IL17REL: variants seen among roughly 807,000 people sequenced by gnomAD.
IL17REL encodes the protein interleukin 17 receptor E like.
In IL17REL, 36 loss-of-function variants were observed where a neutral mutation model predicts 49.0. That is an observed-to-expected ratio of 0.73 (90% confidence interval 0.56 to 0.97). The LOEUF (loss-of-function observed/expected upper bound fraction) is 0.97. Ranked by LOEUF, IL17REL falls within the 50% of genes least tolerant of loss-of-function variation. IL17REL has a pLI of 0.00. For synonymous variants in IL17REL, 206 were observed against 192.4 expected, an observed-to-expected ratio of 1.07 and a Z score of -0.58; for missense variants, 470 against 453.9, an observed-to-expected ratio of 1.04 and a Z score of -0.32.
chr22:50,004,923 G>T (rs1195517529), intron 1 of IL17REL, among the ~76,000 whole-genome samples: 1 of 83,520 alleles, frequency 1.2e-5, no homozygotes, highest in Non-Finnish European at 2.4e-5. Flanking sequence ...CTAGAAAAAA[G>T]ACAAAGACTT....
In IL17REL at chr22:50,004,051, T is replaced by C. The variant is rs140510207; in HGVS notation, c.-41-2820A>G. ...AAGATCAATATACAAAAATCCACTA[T>C]TTCTTTTTTGTTTGTTTTAGTTTTT... On this transcript the variant is annotated intron_variant, in intron 1 of 12. Coordinates refer to ENST00000341280, the Ensembl canonical transcript of IL17REL. Among the ~76,000 whole-genome samples, 230 of 152,296 alleles carry C rather than the reference T, an allele frequency of 1.5e-3. 1 individual carries two copies. The highest frequency in any genetic ancestry group is 3.4e-3 in the Middle Eastern group (1 of 294).
chr22:49,997,293 G>C (rs940923797), intron 11 of IL17REL, 27 bp downstream of exon 13: 1 of 1,605,254 alleles, frequency 6.2e-7, no homozygotes, highest in Non-Finnish European at 8.5e-7. Context: ...CACCTCCCCA[G>C]GATGGAGCCC....
chr22:49,997,958 C>T (rs1475599089), intron 9 of IL17REL, 67 bp downstream of exon 11: 4 of 1,569,186 alleles, frequency 2.5e-6, no homozygotes, highest in South Asian at 2.3e-5. Context: ...CCCTGCCCCA[C>T]TCCCCGCCCT....
chr22:50,001,989 C>G (rs926069125), intron 1 of IL17REL, among the ~76,000 whole-genome samples: 2 of 152,240 alleles, frequency 1.3e-5, no homozygotes, highest in African/African-American at 4.8e-5. Context: ...ACACAGCACC[C>G]TGCTGAGGCA....
intron 9 of IL17REL, 75 bp from the exon 12 acceptor site, chr22:49,997,817 GA>G: frequency 2.0e-6 from 3 of 1,503,494 alleles, no homozygotes; most frequent in Non-Finnish European, 2.8e-6. Flanking sequence ...CAGGGACAGG[GA>G]CAGGCTGGGT....
At chr22:50,000,967 G>T (rs1601888443) in intron 2 of IL17REL, 104 bp from the exon 4 acceptor site, 2 of 1,257,906 alleles carry the variant, frequency 1.6e-6, no homozygotes, top group Admixed American at 2.3e-5. Context: ...TGTGAAGTGC[G>T]GTTAGCAGCC....
At chr22:49,998,069 C>G in exon 9 of IL17REL, 1 of 1,594,242 alleles carries the variant, frequency 6.3e-7, no homozygotes, top group South Asian at 1.1e-5. Context: ...GGGTACTGCA[C>G]CTGAGGAGGG....
chr22:50,004,851 C>CAA (rs137852), intron 1 of IL17REL, among the ~76,000 whole-genome samples: 172 of 141,718 alleles, frequency 1.2e-3, no homozygotes, highest in Admixed American at 2.4e-3. Flanking sequence ...GACTCCATCT[C>CAA]AAAAAAAAAA....
At chr22:49,994,925 A>C (rs2061026005) in exon 13 of IL17REL, 1 of 152,384 alleles carries the variant, frequency 6.6e-6, no homozygotes, top group African/African-American at 2.4e-5. Context: ...AGAACCGCAC[A>C]TCCCAGCAGG....
chr22:49,998,716 C>T (rs1042607066), intron 7 of IL17REL, among the ~76,000 whole-genome samples: 11 of 140,834 alleles, frequency 7.8e-5, no homozygotes, highest in Non-Finnish European at 9.1e-5. Flanking sequence ...TGCATGTGTA[C>T]GTGTTTGCAT....
In IL17REL at chr22:50,001,103, G is replaced by A. The variant is rs746680155; in HGVS notation, c.88C>T (p.Arg30Cys). Residue 30 changes from arginine (R) to cysteine (C), a missense_variant, in exon 2 of 13, where the codon CGC becomes TGC. By Grantham distance (180) the Arg-to-Cys change is radical. Transcript: ENST00000341280. ...TCACCATGCAGGGTGATGGAGGCGC[G>A]TACACGCAGGAGCATCGCGCAGCCG... 14 of 1,595,336 alleles carry A rather than the reference G, an allele frequency of 8.8e-6. No homozygotes were observed. The East Asian group carries it at 1.1e-4, about 13-fold the overall frequency.
chr22:50,004,969 G>GAAAA (rs2061100935), intron 1 of IL17REL, among the ~76,000 whole-genome samples: 5 of 65,214 alleles, frequency 7.7e-5, no homozygotes, highest in East Asian at 4.6e-4. Flanking sequence ...AAACCAGAAA[G>GAAAA]TAAAAAAAAA....
upstream of IL17REL, among the ~76,000 whole-genome samples, chr22:50,010,469 A>AG (rs934569373): frequency 2.6e-5 from 4 of 152,194 alleles, no homozygotes; most frequent in African/African-American, 9.7e-5. Context: ...GTGGAACTGC[A>AG]GGGGGGCAGT....
chr22:49,999,145 C>T (rs2146743696), intron 7 of IL17REL, 146 bp downstream of exon 9: 3 of 982,432 alleles, frequency 3.1e-6, no homozygotes, highest in South Asian at 2.6e-5. Flanking sequence ...CGCAGGTTCC[C>T]TTGGTGACAA....
At chr22:49,999,206 T>TC (rs2061058277) in intron 7 of IL17REL, 85 bp downstream of exon 9, 6 of 1,503,136 alleles carry the variant, frequency 4.0e-6, no homozygotes, top group Admixed American at 3.3e-5. Context: ...CCTTATCTCA[T>TC]CCCCCCACGT....
chr22:49,996,924 A>AG (rs754785982), intron 12 of IL17REL, 64 bp from the exon 15 acceptor site: 187 of 740,540 alleles, frequency 2.5e-4, no homozygotes, highest in Non-Finnish European at 3.4e-4. Flanking sequence ...GGGGATGGGA[A>AG]GGGGGGGTGT....
exon 12 of IL17REL, chr22:49,997,061 G>A: frequency 1.3e-6 from 2 of 1,566,698 alleles, no homozygotes; most frequent in Non-Finnish European, 1.7e-6. Context: ...AGCAGGGGCG[G>A]CTGCCAGGTC....
At chr22:49,997,651 C>T (rs767335928) in intron 10 of IL17REL, 34 bp downstream of exon 12, 22 of 1,591,862 alleles carry the variant, frequency 1.4e-5, no homozygotes, top group Non-Finnish European at 1.9e-5. Flanking sequence ...TTCTGTGCTG[C>T]GTCCACATTG....
chr22:50,003,519 CAAAAAA>C lies in IL17REL; in HGVS notation c.-41-2294_-41-2289del, dbSNP rs142337526. On this transcript the variant is annotated intron_variant, in intron 1 of 12. Coordinates refer to ENST00000341280, the Ensembl canonical transcript of IL17REL. ...CTGGAGACAGAGTGAGACTCCATCT[CAAAAAA>C]AAAAAAAAAAAAAAAAAAGGCTGGG... Among the ~76,000 whole-genome samples the C allele has an allele frequency of 7.2e-4, 28 of 39,086 alleles. No individual in the cohort carries two copies. The Admixed American group carries it at 7.5e-3, about 11-fold the overall frequency. 25.6% of individuals were successfully genotyped at this position (39,086 alleles called of 152,430 possible).
Sources: allele counts gnomAD v4.1 joint callset (sites outside exome capture counted in the v4.1 genomes callset), GRCh38; gene constraint gnomAD v4.1.1; transcripts MANE v1.5; gene names NCBI Gene and HGNC (gene_info 2026-07-23, HGNC 2026-07-21).